Variants in ATP10B observed in about 807,000 individuals in gnomAD.
ATP10B encodes the protein ATPase phospholipid transporting 10B (putative), also known as phospholipid-transporting ATPase VB.
Under a neutral mutation model 141.2 loss-of-function variants are expected in ATP10B, and 122 were observed. That is an observed-to-expected ratio of 0.86 (90% CI 0.75 to 1.00). The LOEUF (loss-of-function observed/expected upper bound fraction) is 1.00, where lower values mean the gene tolerates loss of function less well. Ranked by LOEUF, ATP10B falls within the 50% of genes least tolerant of loss-of-function variation. The pLI, the probability that ATP10B is intolerant of heterozygous loss-of-function variation, is 0.00. For synonymous variants in ATP10B, 685 were observed against 692.0 expected (o/e 0.99, Z 0.16); for missense variants, 1,876 against 1,825.3 (o/e 1.03, Z -0.51).
chr5:160,634,479 T>A lies in ATP10B; in HGVS notation c.1256A>T (p.Asn419Ile), dbSNP rs751401103. ...GATCTGGCCCAAGTCCTCTGCGATG[T>A]TGAGGGCTCGACATTGAATGGATAA... ...TDLSIQCRALNIAEDLGQIQY... is the reference protein window; with the variant it reads ...TDLSIQCRALIIAEDLGQIQY... The change falls in exon 12 of 26, where the codon AAC (asparagine) becomes ATC (isoleucine). Residue 419 changes from asparagine to isoleucine, a missense_variant. Physicochemically the swap from Asn to Ile is moderately radical, Grantham distance 149 (BLOSUM62 -3). Transcript: ENST00000327245. The A allele has an allele frequency of 6.2e-7, 1 of 1,614,182 alleles. No homozygotes were observed. The highest frequency in any genetic ancestry group is 1.1e-5 in the South Asian group (1 of 91,080).
intron 3 of ATP10B, among the ~76,000 whole-genome samples, chr5:160,700,620 ATAGG>A (rs1251723760): frequency 1.3e-5 from 2 of 152,190 alleles, no homozygotes; most frequent in Admixed American, 1.3e-4. Context: ...TTACTTTTTC[ATAGG>A]TGCTTTGGGC....
chr5:160,908,190 TAA>T, the ATP10B span, among the ~76,000 whole-genome samples: 1 of 152,110 alleles, frequency 6.6e-6, no homozygotes, highest in Admixed American at 6.6e-5. Context: ...AACACAGAAC[TAA>T]AAGAGGAAAT....
rs1754757817 is a variant in ATP10B, at chr5:160,569,690, A to G, written c.3751-7T>C. On this transcript the variant is annotated splice_polypyrimidine_tract_variant and splice_region_variant and intron_variant, in intron 24 of 25. Coordinates refer to ENST00000327245, the MANE Select transcript of ATP10B (RefSeq NM_025153.3). Reference sequence around the variant, plus strand: ...CGACTCCGTGGAAAATGGTCTGTGGAGGGAAATAAGCAAACACTGTTGAAG... The same window carrying G: ...CGACTCCGTGGAAAATGGTCTGTGGGGGGAAATAAGCAAACACTGTTGAAG... The G allele has an allele frequency of 6.5e-7, 1 of 1,548,556 alleles. No individual in the cohort carries two copies. Among genetic ancestry groups the G allele is most frequent in the Admixed American group, 2.0e-5 (1 of 49,972 alleles).
At chr5:160,590,052 T>G (rs1166648249) in intron 23 of ATP10B, among the ~76,000 whole-genome samples, 2 of 152,136 alleles carry the variant, frequency 1.3e-5, no homozygotes, top group Non-Finnish European at 2.9e-5. Flanking sequence ...TGGTACAATT[T>G]AAGGAAGTAC....
At position 160,565,609 on chromosome 5, in the gene ATP10B, A is replaced by G; in HGVS notation, c.4230T>C (p.Asp1410=). ...CTGAGGAGTCCCCTGAGCATGAGTC[A>G]TCCCTCATGCACTCCGTGCCACATC... ...EQRCGTECMR[D]DSCSGDSSAQ... The change falls in exon 26 of 26, where the codon GAT becomes GAC. Residue 1410 remains aspartate (D), a synonymous_variant. Coordinates refer to ENST00000327245, the MANE Select transcript of ATP10B (RefSeq NM_025153.3). 6.2e-7 allele frequency: 1 copy of G among 1,614,074 alleles called. No homozygotes were observed. Among genetic ancestry groups the G allele is most frequent in the Non-Finnish European group, 8.5e-7 (1 of 1,179,962 alleles).
chr5:160,722,288 AC>A (rs1561788932), intron 2 of ATP10B, among the ~76,000 whole-genome samples: 2 of 152,328 alleles, frequency 1.3e-5, no homozygotes, highest in Non-Finnish European at 2.9e-5. Context: ...ACTAAGAACC[AC>A]AAATTAAAGA....
intron 1 of ATP10B, among the ~76,000 whole-genome samples, chr5:160,810,940 C>T (rs1183820391): frequency 1.3e-5 from 2 of 152,142 alleles, no homozygotes; most frequent in African/African-American, 2.4e-5. Context: ...GTTATCATCA[C>T]GTTTGAGAAA....
In ATP10B at chr5:160,620,272, T is replaced by C. The variant is rs560746418; in HGVS notation, c.2416+75A>G. 9.8e-5 allele frequency: 149 copies of C among 1,516,080 alleles called. 4 individuals are homozygous for C. In the South Asian group the frequency reaches 1.4e-3, roughly 14 times the overall value. The allele number at this position is 1,516,080 out of a possible 1,614,324, so 93.9% of individuals were successfully genotyped here. On this transcript the variant is annotated intron_variant, in intron 15 of 25. Coordinates refer to ENST00000327245, the MANE Select transcript of ATP10B (RefSeq NM_025153.3). ...ACCAGGTGACACTACAACTTGAGCT[T>C]CTTATTACCATTCCACACTGCTTCT...
At chr5:160,587,744 G>C (rs1035414872) in intron 24 of ATP10B, among the ~76,000 whole-genome samples, 1 of 152,202 alleles carries the variant, frequency 6.6e-6, no homozygotes, top group Non-Finnish European at 1.5e-5. Flanking sequence ...TATTGTTGGT[G>C]TATAGGAATG....
At chr5:160,756,435 T>C (rs1227613583) in intron 2 of ATP10B, among the ~76,000 whole-genome samples, 1 of 152,202 alleles carries the variant, frequency 6.6e-6, no homozygotes, top group Non-Finnish European at 1.5e-5. Flanking sequence ...GTTTAACTTT[T>C]TAAGAAGTGG....
At chr5:160,706,026 G>C (rs1764992270) in intron 3 of ATP10B, among the ~76,000 whole-genome samples, 1 of 152,212 alleles carries the variant, frequency 6.6e-6, no homozygotes, top group Non-Finnish European at 1.5e-5. Flanking sequence ...GAGGGAGAGA[G>C]ATGGGGGAAC....
At chr5:160,826,946 G>A (rs1451574534) in intron 1 of ATP10B, among the ~76,000 whole-genome samples, 1 of 152,160 alleles carries the variant, frequency 6.6e-6, no homozygotes, top group Admixed American at 6.6e-5. Context: ...TGTTTATCAA[G>A]ACAATATGTG....
At chr5:160,791,936 C>A (rs968051506) in intron 1 of ATP10B, among the ~76,000 whole-genome samples, 3 of 152,112 alleles carry the variant, frequency 2.0e-5, no homozygotes, top group Non-Finnish European at 4.4e-5. Context: ...GAAAATGACT[C>A]TAGCTGGGAT....
At chr5:160,753,152 A>G (rs1768279696) in intron 2 of ATP10B, among the ~76,000 whole-genome samples, 1 of 152,204 alleles carries the variant, frequency 6.6e-6, no homozygotes, top group Non-Finnish European at 1.5e-5. Flanking sequence ...CATTTTCTGA[A>G]GGAAAAGTCA....
chr5:160,731,699 A>T (rs1766752810), intron 2 of ATP10B, among the ~76,000 whole-genome samples: 2 of 152,216 alleles, frequency 1.3e-5, no homozygotes, highest in South Asian at 4.1e-4. Flanking sequence ...TCTGGGGACG[A>T]TACTCACTAT....
chr5:160,820,740 T>A (rs1774038229), intron 1 of ATP10B, among the ~76,000 whole-genome samples: 1 of 152,098 alleles, frequency 6.6e-6, no homozygotes, highest in Non-Finnish European at 1.5e-5. Context: ...GTTCAACATA[T>A]GCAAATCAAT....
At chr5:160,922,455 A>C in the ATP10B span, among the ~76,000 whole-genome samples, 18 of 152,306 alleles carry the variant, frequency 1.2e-4, no homozygotes, top group Admixed American at 8.5e-4. Context: ...GGAAGTAAAG[A>C]ATGGAGGAGG....
At chr5:160,648,992 CAA>C (rs369416034) in intron 8 of ATP10B, among the ~76,000 whole-genome samples, 177 bp downstream of exon 8, 3 of 120,418 alleles carry the variant, frequency 2.5e-5, no homozygotes, top group Admixed American at 8.7e-5. Context: ...TATCACTCAG[CAA>C]AAAAAAAAAA....
At chr5:160,726,766 G>A (rs529099998) in intron 2 of ATP10B, among the ~76,000 whole-genome samples, 6 of 151,422 alleles carry the variant, frequency 4.0e-5, no homozygotes, top group African/African-American at 1.5e-4. Flanking sequence ...AATATCTTGG[G>A]CCCTTTCAAG....
Sources: gnomAD v4.1 joint callset for allele counts (sites outside exome capture counted in the v4.1 genomes callset) on GRCh38, gnomAD v4.1.1 for gene constraint, MANE v1.5 for transcripts, NCBI Gene and HGNC (gene_info 2026-07-23, HGNC 2026-07-21) for gene names.